Variants in TSEN2 observed in about 807,000 individuals in gnomAD.
TSEN2 encodes the protein tRNA-splicing endonuclease subunit Sen2.
Under a neutral mutation model 59.2 loss-of-function variants are expected in TSEN2, and 54 were observed. The ratio of observed to expected loss-of-function variants is 0.91; its 90% CI spans 0.73 to 1.14. The LOEUF (loss-of-function observed/expected upper bound fraction) is 1.14. TSEN2 is among the 50% of genes most tolerant of loss of function. The pLI is 0.00. For missense variants in TSEN2, 636 were observed against 576.2 expected, an observed-to-expected ratio of 1.10 and a Z score of -1.06; for synonymous variants, 195 against 198.2, an observed-to-expected ratio of 0.98 and a Z score of 0.14.
At chr3:12,521,990 CAG>C (rs1356084931) in intron 8 of TSEN2, among the ~76,000 whole-genome samples, 7 of 152,090 alleles carry the variant, frequency 4.6e-5, no homozygotes, top group Non-Finnish European at 1.0e-4. Flanking sequence ...GCCTAGGCAA[CAG>C]AGTGAGACTG....
chr3:12,500,026 C>G (rs1016803273), intron 4 of TSEN2, among the ~76,000 whole-genome samples: 1 of 152,164 alleles, frequency 6.6e-6, no homozygotes, highest in Non-Finnish European at 1.5e-5. Flanking sequence ...CATGAGAAGC[C>G]TTGGCGTGTT....
chr3:12,538,024 A>T (rs1258164140), downstream of TSEN2, among the ~76,000 whole-genome samples: 1 of 152,166 alleles, frequency 6.6e-6, no homozygotes, highest in Non-Finnish European at 1.5e-5. Flanking sequence ...AATACTAGTC[A>T]TAGTTCTGCT....
chr3:12,531,719 G>A (rs2057470006), intron 11 of TSEN2, 60 bp downstream of exon 11: 1 of 1,144,476 alleles, frequency 8.7e-7, no homozygotes, highest in African/African-American at 1.5e-5. Context: ...TAGTGTATCT[G>A]GAACATGTGG....
At chr3:12,538,128 C>G (rs1207936900), downstream of TSEN2, among the ~76,000 whole-genome samples, 1 of 152,186 alleles carries the variant, frequency 6.6e-6, no homozygotes, top group Non-Finnish European at 1.5e-5. Context: ...TGCATTCTTT[C>G]CCATTGACGT....
downstream of TSEN2, among the ~76,000 whole-genome samples, chr3:12,533,878 T>A (rs2057605090): frequency 6.6e-6 from 1 of 152,108 alleles, no homozygotes; most frequent in African/African-American, 2.4e-5. Context: ...TTGCAAACCG[T>A]GATAGCAAAC....
intron 6 of TSEN2, among the ~76,000 whole-genome samples, chr3:12,506,028 TA>T (rs2054795056): frequency 6.6e-6 from 1 of 151,556 alleles, no homozygotes; most frequent in Admixed American, 6.6e-5. Flanking sequence ...ATGCCGGGGG[TA>T]GGGGGGTGGA....
At chr3:12,509,224 A>G (rs1488734964) in intron 6 of TSEN2, among the ~76,000 whole-genome samples, 10 of 148,696 alleles carry the variant, frequency 6.7e-5, no homozygotes, top group African/African-American at 2.5e-4. Context: ...TTTTTGAGAC[A>G]GGGTCTCGCT....
Position 12,532,759 on chromosome 3 carries a change from T to C in TSEN2, c.*38T>C, listed in dbSNP as rs1198856905. 1 of 1,599,846 alleles carries C rather than the reference T, an allele frequency of 6.3e-7. No homozygotes were observed. The highest frequency in any genetic ancestry group is 8.6e-7 in the Non-Finnish European group (1 of 1,167,104). On this transcript the variant is annotated 3_prime_UTR_variant, in exon 12 of 12. Transcript: ENST00000284995. ...AAATTTCTAATTTCACCAACAACTATTTATTGAGGGCTAGGTAAAAAGTTC... is the reference window on the plus strand; with the variant it reads ...AAATTTCTAATTTCACCAACAACTACTTATTGAGGGCTAGGTAAAAAGTTC...
intron 10 of TSEN2, 107 bp from the exon 11 acceptor site, chr3:12,531,463 G>A: frequency 2.8e-6 from 2 of 714,646 alleles, no homozygotes; most frequent in Non-Finnish European, 5.1e-6. Flanking sequence ...TTTCCACTTG[G>A]AGTGCACAGT....
chr3:12,526,294 A>G (rs778791729), intron 8 of TSEN2, among the ~76,000 whole-genome samples: 1 of 152,198 alleles, frequency 6.6e-6, no homozygotes, highest in African/African-American at 2.4e-5. Flanking sequence ...ACCCAGAGCA[A>G]CTTCCAGACC....
At chr3:12,523,006 G>T (rs1307009556) in intron 8 of TSEN2, among the ~76,000 whole-genome samples, 1 of 152,140 alleles carries the variant, frequency 6.6e-6, no homozygotes, top group African/African-American at 2.4e-5. Flanking sequence ...TGTAGTAGTA[G>T]CTTCCTTTTG....
chr3:12,485,547 C>T (rs1228424967), intron 1 of TSEN2, among the ~76,000 whole-genome samples: 4 of 152,122 alleles, frequency 2.6e-5, no homozygotes. Flanking sequence ...TTTGAATAGA[C>T]CTTGCTGTTA....
Position 12,519,127 on chromosome 3 carries a change from C to T in TSEN2, c.1029C>T (p.Tyr343=), listed in dbSNP as rs371073764. Residue 343 remains tyrosine, a synonymous_variant, in exon 8 of 12, where the codon TAC becomes TAT. Transcript: ENST00000284995. Reference sequence around the variant, plus strand: ...TTCAGCCCACGTTCAGAACCACCTACATGGCCTACCATTACTTTCGAAGCA... The same window carrying T: ...TTCAGCCCACGTTCAGAACCACCTATATGGCCTACCATTACTTTCGAAGCA... ...TVVQPTFRTT[Y]MAYHYFRSKG... is the part of the protein sequence containing the mutation. 374 of 1,614,122 alleles carry T rather than the reference C, an allele frequency of 2.3e-4. No individual in the cohort carries two copies. The highest frequency in any genetic ancestry group is 2.9e-4 in the Non-Finnish European group (343 of 1,180,036).
intron 8 of TSEN2, among the ~76,000 whole-genome samples, chr3:12,524,313 A>C (rs2056905409): frequency 6.6e-6 from 1 of 152,192 alleles, no homozygotes; most frequent in Non-Finnish European, 1.5e-5. Flanking sequence ...AAATTACCAC[A>C]AATTGGGTGG....
Position 12,519,197 on chromosome 3 carries a change from CGTAA to C in TSEN2, c.1099+5_1099+8del. 6.2e-7 allele frequency: 1 copy of C among 1,614,150 alleles called. No homozygotes were observed. The highest frequency in any genetic ancestry group is 1.1e-5 in the South Asian group (1 of 91,080). On this transcript the variant is annotated splice_donor_variant and splice_donor_region_variant and intron_variant, in intron 8 of 11. Coordinates refer to ENST00000284995, the MANE Select transcript of TSEN2 (RefSeq NM_025265.4). LOFTEE classifies it high-confidence loss of function. Reference sequence around the variant, plus strand: ...GGGACTCAAGTACGGGACAGATTTACGTAAGTAATTCTTGGCGTGGTGTGTGTGA... The same window carrying C: ...GGGACTCAAGTACGGGACAGATTTACGTAATTCTTGGCGTGGTGTGTGTGA...
chr3:12,526,216 AGT>A (rs1017559164), intron 8 of TSEN2, among the ~76,000 whole-genome samples: 28 of 152,106 alleles, frequency 1.8e-4, no homozygotes, highest in Non-Finnish European at 2.9e-5. Flanking sequence ...ACAGAAAAAA[AGT>A]GTTTATAAAG....
chr3:12,509,191 G>T (rs961707599), intron 6 of TSEN2, among the ~76,000 whole-genome samples: 12 of 138,986 alleles, frequency 8.6e-5, no homozygotes, highest in Non-Finnish European at 1.5e-4. Flanking sequence ...GGTTTTTTTT[G>T]GTTTTTTTTG....
Position 12,529,759 on chromosome 3 carries a change from C to A in TSEN2, c.1137-3C>A. On this transcript the variant is annotated splice_region_variant and splice_polypyrimidine_tract_variant and intron_variant, in intron 9 of 11. Coordinates refer to ENST00000284995, the MANE Select transcript of TSEN2 (RefSeq NM_025265.4). ...TTTAACATGCTTTTTCTGTATTTTCCAGTTATTCTGTCATTATCGAGCTAG... is the reference window on the plus strand; with the variant it reads ...TTTAACATGCTTTTTCTGTATTTTCAAGTTATTCTGTCATTATCGAGCTAG... 3 of 1,613,072 alleles carry A rather than the reference C, an allele frequency of 1.9e-6. No individual in the cohort carries two copies. Among genetic ancestry groups the A allele is most frequent in the South Asian group, 2.2e-5 (2 of 90,998 alleles).
At chr3:12,504,538 C>T (rs748709469) in intron 5 of TSEN2, among the ~76,000 whole-genome samples, 1 of 151,906 alleles carries the variant, frequency 6.6e-6, no homozygotes, top group East Asian at 1.9e-4. Flanking sequence ...CAGTGAGACA[C>T]TGTCTCAAAA....
Sources: gnomAD v4.1 joint callset for allele counts (sites outside exome capture counted in the v4.1 genomes callset) on GRCh38, gnomAD v4.1.1 for gene constraint, MANE v1.5 for transcripts, NCBI Gene and HGNC (gene_info 2026-07-23, HGNC 2026-07-21) for gene names.